Variants in BBC3 observed in about 807,000 individuals in gnomAD.
BBC3 encodes BCL2 binding component 3.
In BBC3, 5 loss-of-function variants were observed where a neutral mutation model predicts 18.2. The observed-to-expected ratio is 0.27, with a 90% confidence interval of 0.14 to 0.58. The LOEUF (loss-of-function observed/expected upper bound fraction) is 0.58. BBC3 is among the 20% of genes least tolerant of loss of function. The pLI, the probability that BBC3 is intolerant of heterozygous loss-of-function variation, is 0.91. For missense variants in BBC3, 224 were observed against 268.9 expected (o/e 0.83, Z 1.17); for synonymous variants, 119 against 128.0 (o/e 0.93, Z 0.47).
At chr19:47,232,604 C>T (rs752530319), upstream of BBC3, 164 of 1,531,322 alleles carry the variant, frequency 1.1e-4, 2 homozygotes, top group South Asian at 6.7e-4. Context: ...AAATTTCATC[C>T]TGTCTCATAG....
chr19:47,226,436 C>G (rs1308979833), intron 3 of BBC3, 128 bp downstream of exon 3: 4 of 893,788 alleles, frequency 4.5e-6, no homozygotes, highest in Non-Finnish European at 6.3e-6. Context: ...ACTTACCCCC[C>G]ACCTGCCTGT....
intron 3 of BBC3, chr19:47,222,702 A>C (rs1382420477): frequency 2.6e-5 from 4 of 152,200 alleles, no homozygotes; most frequent in Non-Finnish European, 5.9e-5. Flanking sequence ...GCGGTGGCTC[A>C]CGCCTGTAAT....
intron 2 of BBC3, chr19:47,227,071 C>T (rs568337105): frequency 2.0e-4 from 49 of 250,904 alleles, no homozygotes; most frequent in African/African-American, 9.8e-4. Context: ...CACATTTTGC[C>T]TTTTCCATGT....
In BBC3 at chr19:47,230,738, G is replaced by C. The variant is rs976221182; in HGVS notation, c.-16+191C>G. 4 of 985,140 alleles carry C rather than the reference G, an allele frequency of 4.1e-6. No individual in the cohort carries two copies. The highest frequency in any genetic ancestry group is 4.7e-5 in the South Asian group (1 of 21,280). 61.0% of individuals were successfully genotyped at this position (985,140 alleles called of 1,614,324 possible). ...GCCGAGGCACCTGTGCGCCCAGACCGGCGCCCCAACGCCGAGCCGCCTCTC... is the reference window on the plus strand; with the variant it reads ...GCCGAGGCACCTGTGCGCCCAGACCCGCGCCCCAACGCCGAGCCGCCTCTC... On this transcript the variant is annotated intron_variant, in intron 1 of 3. Transcript: ENST00000439096. This position sits in a 1 kb window ranked among gnomAD's most constrained non-coding sequence, Gnocchi z 6.7.
chr19:47,232,751 C>T (rs925632000), upstream of BBC3: 6 of 636,382 alleles, frequency 9.4e-6, no homozygotes, highest in Non-Finnish European at 1.6e-5. Flanking sequence ...GGGTCTCACC[C>T]AATCGCAATC....
rs957337371 is a variant in BBC3 at position 47,220,991 on chromosome 19, G to T, written c.*811C>A. On this transcript the variant is annotated 3_prime_UTR_variant, in exon 4 of 4. Coordinates refer to ENST00000439096, the MANE Select transcript of BBC3 (RefSeq NM_014417.5). ...ACTCCCAGACTCCTCCCTCTTCCGA[G>T]ATTTCCCCCCCTCCCTGACTCCCCG... 2.0e-5 allele frequency: 3 copies of T among 152,034 alleles called. No individual in the cohort carries two copies. The highest frequency in any genetic ancestry group is 6.6e-5 in the Admixed American group (1 of 15,246). The allele number at this position is 152,034 out of a possible 1,614,324, so 9.4% of individuals were successfully genotyped here. A position where few individuals can be genotyped will look rare whatever the true frequency, so the allele number is the denominator to read the frequency against.
In BBC3 at chr19:47,228,075, T is replaced by C; in HGVS notation, c.274+83A>G. ...CTGGGCCCGCCACCTCCCCCCGTCC[T>C]CTCCCACTTCTCCAGTTCCTCCGAG... On this transcript the variant is annotated intron_variant, in intron 2 of 3. Transcript: ENST00000439096. The surrounding 1 kb of genome is among the most constrained non-coding windows in gnomAD (Gnocchi z 5.5). 9.1e-7 allele frequency: 1 copy of C among 1,100,168 alleles called. No homozygotes were observed. The highest frequency in any genetic ancestry group is 3.5e-5 in the East Asian group (1 of 28,702). 68.2% of individuals were successfully genotyped at this position (1,100,168 alleles called of 1,614,324 possible).
At chr19:47,224,130 A>G (rs2058783241) in intron 3 of BBC3, among the ~76,000 whole-genome samples, 1 of 152,084 alleles carries the variant, frequency 6.6e-6, no homozygotes, top group South Asian at 2.1e-4. Flanking sequence ...CCCCGTCTCT[A>G]CTAAAAATAC....
At chr19:47,222,112 A>G (rs999782600) in intron 3 of BBC3, 194 bp from the exon 4 acceptor site, 1 of 542,040 alleles carries the variant, frequency 1.8e-6, no homozygotes, top group Non-Finnish European at 3.2e-6. Context: ...GCAGAGGACA[A>G]ACACGGAATG....
rs540147387 is a variant in BBC3 at position 47,226,327 on chromosome 19, T to TCCCTGG, written c.465+231_465+236dup. On this transcript the variant is annotated intron_variant, in intron 3 of 3. Coordinates refer to ENST00000439096, the MANE Select transcript of BBC3 (RefSeq NM_014417.5). ...GCAGCTCCACTCCTCGGCGGCCTAG[T>TCCCTGG]CCCTGGCCCTGGCCCTGGCCCTGGC... Among the ~76,000 whole-genome samples the TCCCTGG allele has an allele frequency of 4.7e-3, 715 of 151,668 alleles. 4 individuals are homozygous for TCCCTGG. Among genetic ancestry groups the TCCCTGG allele is most frequent in the African/African-American group, 0.013 (541 of 41,388 alleles).
At chr19:47,224,378 T>C (rs2058786412) in intron 3 of BBC3, among the ~76,000 whole-genome samples, 1 of 152,018 alleles carries the variant, frequency 6.6e-6, no homozygotes, top group Admixed American at 6.6e-5. Context: ...ATTCCAGCAA[T>C]TTGGGAGGCC....
intron 3 of BBC3, among the ~76,000 whole-genome samples, chr19:47,222,993 G>A (rs1176272581): frequency 1.3e-5 from 2 of 149,156 alleles, no homozygotes; most frequent in Non-Finnish European, 3.0e-5. Flanking sequence ...AATACAGGCC[G>A]GGTGCGGTGG....
upstream of BBC3, chr19:47,232,726 C>G (rs1447867063): frequency 4.8e-6 from 4 of 834,392 alleles, no homozygotes; most frequent in Non-Finnish European, 7.4e-6. Flanking sequence ...CTCCTCTACA[C>G]TTTCCATCCT....
Position 47,228,038 on chromosome 19 carries a change from C to G in BBC3, c.274+120G>C. 4 of 795,842 alleles carry G rather than the reference C, an allele frequency of 5.0e-6. No homozygotes were observed. Among genetic ancestry groups the G allele is most frequent in the Non-Finnish European group, 6.7e-6 (4 of 598,736 alleles). The allele number at this position is 795,842 out of a possible 1,614,324, so 49.3% of individuals were successfully genotyped here. On this transcript the variant is annotated intron_variant, in intron 2 of 3. Transcript: ENST00000439096. The surrounding 1 kb of genome is among the most constrained non-coding windows in gnomAD (Gnocchi z 5.5). ...CAAAGACCACATTGGCCACACCCTC[C>G]CAGTGGCCCGGCTGGGCCCGCCACC...
At position 47,221,307 on chromosome 19, in the gene BBC3, C is replaced by T. The variant is rs45474992; in HGVS notation, c.*495G>A. 0.024 allele frequency: 4,144 copies of T among 173,826 alleles called. 79 individuals carry two copies. Among genetic ancestry groups the T allele is most frequent in the Non-Finnish European group, 0.033 (2,716 of 82,222 alleles). 10.8% of individuals were successfully genotyped at this position (173,826 alleles called of 1,614,324 possible). On this transcript the variant is annotated 3_prime_UTR_variant, in exon 4 of 4. Transcript: ENST00000439096. ...GGCAAACGAGCCCCACTCTCTGGCTCCAGGAGGCTAGTGGTCACGTTTGGC... is the reference window on the plus strand; with the variant it reads ...GGCAAACGAGCCCCACTCTCTGGCTTCAGGAGGCTAGTGGTCACGTTTGGC...
chr19:47,223,607 C>T (rs1361139907), intron 3 of BBC3, among the ~76,000 whole-genome samples: 3 of 152,148 alleles, frequency 2.0e-5, no homozygotes, highest in Non-Finnish European at 4.4e-5. Flanking sequence ...AGCTGCAATC[C>T]TCTGCCACTC....
At chr19:47,227,927 C>T (rs772363669) in intron 2 of BBC3, among the ~76,000 whole-genome samples, 64 of 152,120 alleles carry the variant, frequency 4.2e-4, no homozygotes, top group Non-Finnish European at 1.0e-4. Context: ...GGCTGCAATT[C>T]GGGGACTGCA....
intron 3 of BBC3, among the ~76,000 whole-genome samples, chr19:47,225,202 C>T (rs904198539): frequency 2.0e-5 from 3 of 152,054 alleles, no homozygotes; most frequent in Admixed American, 6.5e-5. Context: ...TGAGCCACCA[C>T]GCCCGGCCTT....
At chr19:47,227,731 C>T (rs2058853749) in intron 2 of BBC3, among the ~76,000 whole-genome samples, 1 of 152,140 alleles carries the variant, frequency 6.6e-6, no homozygotes, top group African/African-American at 2.4e-5. Flanking sequence ...CTGAGGACAG[C>T]CCCTGGCCAA....
Sources: allele counts gnomAD v4.1 joint callset (sites outside exome capture counted in the v4.1 genomes callset), GRCh38; gene constraint gnomAD v4.1.1; non-coding constraint Gnocchi (gnomAD v3.1); transcripts MANE v1.5; gene names NCBI Gene and HGNC (gene_info 2026-07-23, HGNC 2026-07-21).